The following SIDT1 variants were observed in gnomAD, a reference collection of about 807,000 sequenced individuals.
The protein encoded by SIDT1 is SID1 transmembrane family member 1.
In SIDT1, 101 loss-of-function variants were observed where a neutral mutation model predicts 107.5. That is an observed-to-expected ratio of 0.94 (90% CI 0.80 to 1.11). The LOEUF (loss-of-function observed/expected upper bound fraction) is 1.11. SIDT1 is among the 50% of genes least tolerant of loss of function. SIDT1 has a pLI of 0.00. For synonymous variants in SIDT1, 395 were observed against 398.2 expected, an observed-to-expected ratio of 0.99 and a Z score of 0.10; for missense variants, 1,076 against 1,058.2, an observed-to-expected ratio of 1.02 and a Z score of -0.23.
At chr3:113,556,214 T>C (rs1196265139) in intron 1 of SIDT1, among the ~76,000 whole-genome samples, 1 of 152,218 alleles carries the variant, frequency 6.6e-6, no homozygotes, top group African/African-American at 2.4e-5. Flanking sequence ...GTACAGAAGA[T>C]AGTTTTAAAG....
rs2107534417 is a variant in SIDT1, at chr3:113,532,724, G to C, written c.-298G>C. ...GGCTGGGTAAGTGGGGGGATTCTCG[G>C]CGATGAGAAACGGGGGACTTAGAAG... is the stretch of plus-strand genomic sequence containing the variant. On this transcript the variant is annotated 5_prime_UTR_variant, in exon 1 of 25. Transcript: ENST00000264852. 1 of 334,164 alleles carries C rather than the reference G, an allele frequency of 3.0e-6. No homozygotes were observed. The highest frequency in any genetic ancestry group is 2.1e-5 in the African/African-American group (1 of 46,988). 20.7% of individuals were successfully genotyped at this position (334,164 alleles called of 1,614,324 possible). A position where few individuals can be genotyped will look rare whatever the true frequency, so the allele number is the denominator to read the frequency against.
At chr3:113,599,649 T>C (rs566829586) in intron 10 of SIDT1, among the ~76,000 whole-genome samples, 1 of 152,330 alleles carries the variant, frequency 6.6e-6, no homozygotes, top group South Asian at 2.1e-4. Context: ...AGCAAAGTAC[T>C]GCATGGTCTC....
At chr3:113,560,802 CT>C (rs1459235546) in intron 1 of SIDT1, among the ~76,000 whole-genome samples, 1 of 152,044 alleles carries the variant, frequency 6.6e-6, no homozygotes, top group African/African-American at 2.4e-5. Flanking sequence ...CATTTCCATT[CT>C]TTTATGGAAC....
intron 1 of SIDT1, among the ~76,000 whole-genome samples, chr3:113,551,625 T>C (rs1940242565): frequency 6.6e-6 from 1 of 151,576 alleles, no homozygotes; most frequent in Admixed American, 6.6e-5. Flanking sequence ...TACTGAAAAC[T>C]GAAACAAGAT....
At chr3:113,624,221 C>A (rs1576997113) in intron 23 of SIDT1, among the ~76,000 whole-genome samples, 1 of 152,214 alleles carries the variant, frequency 6.6e-6, no homozygotes, top group Admixed American at 6.5e-5. Flanking sequence ...TTCTGTCACT[C>A]CGGAAAGAAA....
intron 23 of SIDT1, among the ~76,000 whole-genome samples, chr3:113,624,347 G>T (rs896388146): frequency 2.6e-5 from 4 of 152,162 alleles, no homozygotes; most frequent in Admixed American, 2.6e-4. Context: ...TCATGTAAAT[G>T]GAATCACACA....
At chr3:113,585,477 C>T (rs571575900) in intron 9 of SIDT1, among the ~76,000 whole-genome samples, 1 of 152,144 alleles carries the variant, frequency 6.6e-6, no homozygotes, top group Non-Finnish European at 1.5e-5. Flanking sequence ...TAATTTACCC[C>T]ACAAAAAGTA....
At chr3:113,614,425 T>A (rs765492461) in intron 19 of SIDT1, among the ~76,000 whole-genome samples, 12 of 152,024 alleles carry the variant, frequency 7.9e-5, no homozygotes, top group Non-Finnish European at 1.5e-4. Context: ...ACCCATGGAG[T>A]CTTCCCCAGG....
At chr3:113,587,958 C>T (rs1943862378) in intron 9 of SIDT1, among the ~76,000 whole-genome samples, 1 of 152,180 alleles carries the variant, frequency 6.6e-6, no homozygotes, top group Non-Finnish European at 1.5e-5. Context: ...CCAGTTTTGC[C>T]TTGGATGAGT....
At chr3:113,603,459 G>A (rs1343460841) in intron 12 of SIDT1, among the ~76,000 whole-genome samples, 1 of 152,186 alleles carries the variant, frequency 6.6e-6, no homozygotes, top group Non-Finnish European at 1.5e-5. Context: ...ATTCATTTGA[G>A]GGGTGTACTG....
rs1943110336 is a variant in SIDT1 at position 113,578,755 on chromosome 3, T to G, written c.561+1788T>G. 2.6e-5 allele frequency among the ~76,000 whole-genome samples: 4 copies of G among 152,256 alleles called. No individual in the cohort carries two copies. The South Asian group carries it at 8.3e-4, about 32-fold the overall frequency. Reference sequence around the variant, plus strand: ...CTGTAGTTTTGACTTCTCAGGAGGCTGAGGCAGAAGGATCACTTGAGCCCA... The same window carrying G: ...CTGTAGTTTTGACTTCTCAGGAGGCGGAGGCAGAAGGATCACTTGAGCCCA... On this transcript the variant is annotated intron_variant, in intron 4 of 24. Coordinates refer to ENST00000264852, the MANE Select transcript of SIDT1 (RefSeq NM_017699.3).
intron 19 of SIDT1, among the ~76,000 whole-genome samples, chr3:113,613,580 C>G (rs748904607): frequency 1.3e-5 from 2 of 152,212 alleles, no homozygotes; most frequent in Non-Finnish European, 2.9e-5. Flanking sequence ...CCTCCAAATC[C>G]CCCAGTTACT....
At chr3:113,619,868 GGTA>G in intron 21 of SIDT1, 142 bp downstream of exon 21, 1 of 724,500 alleles carries the variant, frequency 1.4e-6, no homozygotes, top group Middle Eastern at 3.5e-4. Context: ...CTCAAAAAAA[GGTA>G]GTAGGACATT....
chr3:113,572,862 C>T (rs1225436828), intron 3 of SIDT1, among the ~76,000 whole-genome samples: 1 of 152,100 alleles, frequency 6.6e-6, no homozygotes, highest in Non-Finnish European at 1.5e-5. Context: ...GATAGCTCAG[C>T]TACTATGCTG....
At chr3:113,567,139 C>G (rs898480007) in intron 2 of SIDT1, among the ~76,000 whole-genome samples, 1 of 152,194 alleles carries the variant, frequency 6.6e-6, no homozygotes. Flanking sequence ...ACTCTGTTAG[C>G]TTTGACTTGG....
In SIDT1 at chr3:113,567,643, G is replaced by A. The variant is rs139760057; in HGVS notation, c.448G>A (p.Ala150Thr). 54 of 1,613,914 alleles carry A rather than the reference G, an allele frequency of 3.3e-5. No individual in the cohort carries two copies. The highest frequency in any genetic ancestry group is 6.7e-5 in the East Asian group (3 of 44,882). Residue 150 changes from alanine to threonine, a missense_variant, in exon 3 of 25, where the codon GCA becomes ACA. Physicochemically the swap from Ala to Thr is moderately conservative, Grantham distance 58. Coordinates refer to ENST00000264852, the MANE Select transcript of SIDT1 (RefSeq NM_017699.3). ...PLQQLIFVDV[A>T]SMAPLGAQYK... Reference sequence around the variant, plus strand: ...GCAGCAACTGATATTTGTAGATGTCGCATCCATGGCACCCCTGGGTGCTCA... The same window carrying A: ...GCAGCAACTGATATTTGTAGATGTCACATCCATGGCACCCCTGGGTGCTCA...
At chr3:113,543,776 C>A (rs1939227140) in intron 1 of SIDT1, among the ~76,000 whole-genome samples, 2 of 152,098 alleles carry the variant, frequency 1.3e-5, no homozygotes, top group Non-Finnish European at 2.9e-5. Flanking sequence ...TAAAGAACAC[C>A]AATATGCCCT....
chr3:113,533,274 T>A, intron 1 of SIDT1, 31 bp downstream of exon 1: 1 of 1,395,496 alleles, frequency 7.2e-7, no homozygotes. Flanking sequence ...GCTCGACTCC[T>A]AGAACTTGCC....
intron 5 of SIDT1, 110 bp downstream of exon 5, chr3:113,580,819 C>T: frequency 1.4e-6 from 1 of 724,100 alleles, no homozygotes; most frequent in Admixed American, 2.1e-5. Context: ...ATCTCCCTTC[C>T]AAAACTACTA....
Sources: allele counts gnomAD v4.1 joint callset (sites outside exome capture counted in the v4.1 genomes callset), GRCh38; gene constraint gnomAD v4.1.1; transcripts MANE v1.5; gene names NCBI Gene and HGNC (gene_info 2026-07-23, HGNC 2026-07-21).